CSMD1: variants seen among roughly 807,000 people sequenced by gnomAD.
CSMD1 encodes the protein CUB and sushi domain-containing protein 1.
Under a neutral mutation model 417.5 loss-of-function variants are expected in CSMD1, and 213 were observed. The observed-to-expected ratio is 0.51, with a 90% CI of 0.46 to 0.57. CSMD1 has a LOEUF of 0.57. CSMD1 is among the 20% of genes least tolerant of loss of function. The probability of loss-of-function intolerance (pLI) is 0.00; values close to 1 mark genes in which losing one functional copy is unlikely to be tolerated. For synonymous variants in CSMD1, 2,862 were observed against 1,736.8 expected (o/e 1.65, Z -16.11); for missense variants, 6,923 against 4,529.7 (o/e 1.53, Z -15.17).
intron 1 of CSMD1, among the ~76,000 whole-genome samples, chr8:4,898,869 T>G (rs1276514736): frequency 6.6e-6 from 1 of 152,214 alleles, no homozygotes; most frequent in African/African-American, 2.4e-5. Flanking sequence ...TTTGTCTAAG[T>G]TTTAACATAA....
chr8:3,870,752 C>A (rs1805426919), intron 5 of CSMD1, among the ~76,000 whole-genome samples: 2 of 151,808 alleles, frequency 1.3e-5, no homozygotes, highest in Admixed American at 1.3e-4. Flanking sequence ...CATTTTTAAC[C>A]ATAAATAAAT....
chr8:4,275,670 T>C (rs565397100), intron 3 of CSMD1, among the ~76,000 whole-genome samples: 2 of 152,304 alleles, frequency 1.3e-5, no homozygotes, highest in South Asian at 2.1e-4. Flanking sequence ...AAAAATTGTA[T>C]ACGTTTTGCA....
At chr8:4,345,379 C>G (rs751977005) in intron 3 of CSMD1, among the ~76,000 whole-genome samples, 1 of 152,022 alleles carries the variant, frequency 6.6e-6, no homozygotes, top group Non-Finnish European at 1.5e-5. Flanking sequence ...ATTATACACA[C>G]TTATGCAATA....
intron 21 of CSMD1, among the ~76,000 whole-genome samples, chr8:3,356,753 C>T (rs972798313): frequency 6.6e-6 from 1 of 152,172 alleles, no homozygotes; most frequent in African/African-American, 2.4e-5. Context: ...AGAAAGAGCC[C>T]TGGTGCTCTG....
intron 2 of CSMD1, among the ~76,000 whole-genome samples, chr8:4,525,541 G>T (rs1233920638): frequency 6.6e-6 from 1 of 152,154 alleles, no homozygotes; most frequent in Non-Finnish European, 1.5e-5. Flanking sequence ...CTTCCTTGTA[G>T]CAACCCCTAA....
At chr8:4,390,392 G>A in intron 3 of CSMD1, among the ~76,000 whole-genome samples, 1 of 152,116 alleles carries the variant, frequency 6.6e-6, no homozygotes, top group East Asian at 1.9e-4. Flanking sequence ...TGTTGTCAAT[G>A]TAACAGGAGA....
At chr8:3,806,460 G>A (rs996903518) in intron 5 of CSMD1, among the ~76,000 whole-genome samples, 7 of 152,182 alleles carry the variant, frequency 4.6e-5, no homozygotes. Context: ...GCAATTTGAA[G>A]CTATCAGCTT....
chr8:4,372,952 G>C (rs1211119258), intron 3 of CSMD1, among the ~76,000 whole-genome samples: 6 of 152,222 alleles, frequency 3.9e-5, no homozygotes, highest in Non-Finnish European at 7.3e-5. Flanking sequence ...CTTCCGAAGA[G>C]TGCAGTGTGG....
At chr8:3,449,148 G>A (rs1234814169) in intron 12 of CSMD1, among the ~76,000 whole-genome samples, 1 of 152,166 alleles carries the variant, frequency 6.6e-6, no homozygotes, top group African/African-American at 2.4e-5. Flanking sequence ...CTTAATCTTT[G>A]AGTTTGCGTC....
chr8:3,693,456 A>G (rs1252978050), intron 7 of CSMD1, among the ~76,000 whole-genome samples: 2 of 152,138 alleles, frequency 1.3e-5, no homozygotes, highest in Admixed American at 1.3e-4. Context: ...TATTGATACG[A>G]GGAGTTGATA....
At chr8:4,366,685 G>C (rs889983930) in intron 3 of CSMD1, among the ~76,000 whole-genome samples, 5 of 151,936 alleles carry the variant, frequency 3.3e-5, no homozygotes, top group African/African-American at 1.2e-4. Flanking sequence ...AGTTACTGAT[G>C]AGCGTTTTTT....
At chr8:4,810,535 G>C (rs965380945) in intron 1 of CSMD1, among the ~76,000 whole-genome samples, 1 of 152,170 alleles carries the variant, frequency 6.6e-6, no homozygotes, top group Non-Finnish European at 1.5e-5. Flanking sequence ...ACGTGTGTGT[G>C]TGTGTGCGCA....
At chr8:4,464,779 G>A (rs1236688863) in intron 2 of CSMD1, among the ~76,000 whole-genome samples, 2 of 152,154 alleles carry the variant, frequency 1.3e-5, no homozygotes, top group Non-Finnish European at 2.9e-5. Flanking sequence ...GTGGGGTGGG[G>A]CTGGGCTGAG....
At chr8:4,037,262 T>C (rs974796735) in intron 3 of CSMD1, among the ~76,000 whole-genome samples, 2 of 152,226 alleles carry the variant, frequency 1.3e-5, no homozygotes, top group African/African-American at 4.8e-5. Flanking sequence ...CTTTTGTTTA[T>C]ATCAATTAAC....
In CSMD1 at chr8:4,101,828, G is replaced by A. The variant is rs889959976; in HGVS notation, c.416-69729C>T. Among the ~76,000 whole-genome samples, 7 of 2,594 alleles carry A rather than the reference G, an allele frequency of 2.7e-3. No individual in the cohort carries two copies. In the Non-Finnish European group the frequency reaches 0.061, roughly 23 times the overall value. The allele number at this position is 2,594 out of a possible 152,430, so 1.7% of individuals were successfully genotyped here. ...AAGTGAACGGAGAATTACTCACTCC[G>A]CACATCTCTGAATTGAATCTGAAAA... On this transcript the variant is annotated intron_variant, in intron 3 of 69. Transcript: ENST00000635120.
At chr8:3,563,210 A>G (rs1179723885) in intron 10 of CSMD1, among the ~76,000 whole-genome samples, 3 of 151,908 alleles carry the variant, frequency 2.0e-5, no homozygotes, top group African/African-American at 7.3e-5. Flanking sequence ...TTTGTTTTCT[A>G]ATGTCTTCCT....
chr8:3,673,913 T>C (rs1214613191), intron 7 of CSMD1, among the ~76,000 whole-genome samples: 3 of 152,034 alleles, frequency 2.0e-5, no homozygotes, highest in Non-Finnish European at 4.4e-5. Flanking sequence ...AGCTCAGCAG[T>C]TTCAGACGAG....
chr8:4,293,918 A>G (rs1439465334), intron 3 of CSMD1, among the ~76,000 whole-genome samples: 1 of 151,886 alleles, frequency 6.6e-6, no homozygotes, highest in Non-Finnish European at 1.5e-5. Context: ...ATTAGTGTCT[A>G]CTGTAGAGCT....
At chr8:4,007,148 C>T (rs924839935) in intron 4 of CSMD1, among the ~76,000 whole-genome samples, 3 of 152,058 alleles carry the variant, frequency 2.0e-5, no homozygotes, top group African/African-American at 4.8e-5. Context: ...ACGACTTTTA[C>T]TATTTCTCAG....
Sources: gnomAD v4.1 joint callset for allele counts (sites outside exome capture counted in the v4.1 genomes callset) on GRCh38, gnomAD v4.1.1 for gene constraint, MANE v1.5 for transcripts, NCBI Gene and HGNC (gene_info 2026-07-23, HGNC 2026-07-21) for gene names.